The following KIF26B variants were observed in gnomAD, a reference collection of about 807,000 sequenced individuals.
KIF26B encodes the protein kinesin-like protein KIF26B.
In KIF26B, 63 loss-of-function variants were observed where a neutral mutation model predicts 151.2. That is an observed-to-expected ratio of 0.42 (90% confidence interval 0.34 to 0.51). KIF26B has a LOEUF of 0.51. Ranked by LOEUF, KIF26B falls within the 20% of genes least tolerant of loss-of-function variation. The pLI is 0.07. For synonymous variants in KIF26B, 1,357 were observed against 1,262.1 expected (o/e 1.08, Z -1.59); for missense variants, 2,813 against 2,913.6 (o/e 0.97, Z 0.79).
At chr1:245,252,783 G>C (rs1670467602) in intron 2 of KIF26B, among the ~76,000 whole-genome samples, 1 of 152,044 alleles carries the variant, frequency 6.6e-6, no homozygotes, top group South Asian at 2.1e-4. Flanking sequence ...ATGTTGAATA[G>C]AAGTAATGAT....
chr1:245,308,994 G>A (rs1176241359), intron 2 of KIF26B, among the ~76,000 whole-genome samples: 1 of 152,200 alleles, frequency 6.6e-6, no homozygotes, highest in African/African-American at 2.4e-5. Context: ...CAAACCAGTT[G>A]GCCAAGGAAG....
At chr1:245,377,159 C>G (rs560763624) in intron 3 of KIF26B, among the ~76,000 whole-genome samples, 89 of 152,344 alleles carry the variant, frequency 5.8e-4, no homozygotes, top group African/African-American at 2.1e-3. Flanking sequence ...AGGTGACCCA[C>G]CCGCCTCAGC....
At chr1:245,327,400 T>G (rs931413816) in intron 2 of KIF26B, among the ~76,000 whole-genome samples, 2 of 152,190 alleles carry the variant, frequency 1.3e-5, no homozygotes, top group African/African-American at 2.4e-5. Context: ...TTCCATCTGG[T>G]TTTTGCATAG....
intron 9 of KIF26B, among the ~76,000 whole-genome samples, chr1:245,623,672 A>G (rs2043689285): frequency 6.6e-6 from 1 of 152,184 alleles, no homozygotes. Context: ...CACAGGAAAA[A>G]CTTTTTGTGT....
At chr1:245,522,105 A>G (rs55966422) in intron 4 of KIF26B, among the ~76,000 whole-genome samples, 3,553 of 151,970 alleles carry the variant, frequency 0.023, 55 homozygotes, top group Non-Finnish European at 0.033. Flanking sequence ...TCCTGACCTC[A>G]TGATCTGCCC....
chr1:245,687,883 C>A lies in KIF26B; in HGVS notation c.4900C>A (p.Pro1634Thr), dbSNP rs745891231. 2 of 1,592,214 alleles carry A rather than the reference C, an allele frequency of 1.3e-6. No homozygotes were observed. Among genetic ancestry groups the A allele is most frequent in the Admixed American group, 3.5e-5 (2 of 57,498 alleles). The change falls in exon 12 of 15, where the codon CCG becomes ACG. Residue 1634 changes from proline (P) to threonine (T), a missense_variant. Coordinates refer to ENST00000407071, the MANE Select transcript of KIF26B (RefSeq NM_018012.4). The surrounding 1 kb of genome is among the most constrained non-coding windows in gnomAD (Gnocchi z 4.9). ...SSPLNQPAAFPAGLPDEPSGK... is the reference protein window; with the variant it reads ...SSPLNQPAAFTAGLPDEPSGK... ...CCCCCTGAACCAACCAGCCGCCTTC[C>A]CGGCGGGCCTCCCAGACGAGCCTAG... is the stretch of plus-strand genomic sequence containing the variant.
chr1:245,287,116 A>C (rs986774705), intron 2 of KIF26B, among the ~76,000 whole-genome samples: 9 of 152,314 alleles, frequency 5.9e-5, no homozygotes, highest in East Asian at 1.9e-4. Context: ...CTCAAAAAAA[A>C]CAAAATTTTT....
At position 245,563,453 on chromosome 1, in the gene KIF26B, C is replaced by T. The variant is rs2042975271; in HGVS notation, c.1350+22503C>T. Among the ~76,000 whole-genome samples the T allele has an allele frequency of 6.6e-6, 1 of 152,200 alleles. No individual in the cohort carries two copies. Among genetic ancestry groups the T allele is most frequent in the South Asian group, 2.1e-4 (1 of 4,826 alleles). Reference sequence around the variant, plus strand: ...TCCCGAATCATTAAGAACTCCTGCCCATTGGATGATGTTGCTGTATCTCCA... The same window carrying T: ...TCCCGAATCATTAAGAACTCCTGCCTATTGGATGATGTTGCTGTATCTCCA... On this transcript the variant is annotated intron_variant, in intron 5 of 14. Coordinates refer to ENST00000407071, the MANE Select transcript of KIF26B (RefSeq NM_018012.4). This position sits in a 1 kb window ranked among gnomAD's most constrained non-coding sequence, Gnocchi z 4.6.
chr1:245,195,389 C>T (rs1165717635), intron 2 of KIF26B, among the ~76,000 whole-genome samples: 10 of 152,164 alleles, frequency 6.6e-5, no homozygotes, highest in African/African-American at 1.4e-4. Context: ...AAATAGGAGG[C>T]GTGTCGTGAT....
intron 10 of KIF26B, among the ~76,000 whole-genome samples, chr1:245,661,489 G>A (rs1558256643): frequency 6.6e-6 from 1 of 151,270 alleles, no homozygotes; most frequent in Non-Finnish European, 1.5e-5. Context: ...ACATATATAT[G>A]TACACCCATT....
intron 4 of KIF26B, among the ~76,000 whole-genome samples, chr1:245,539,862 A>G (rs1053885914): frequency 4.6e-5 from 7 of 152,174 alleles, no homozygotes; most frequent in African/African-American, 1.7e-4. Context: ...CATGTTGGCC[A>G]GGCTGGTCTC....
intron 2 of KIF26B, among the ~76,000 whole-genome samples, chr1:245,208,677 C>T (rs1239774145): frequency 6.6e-6 from 1 of 152,144 alleles, no homozygotes; most frequent in African/African-American, 2.4e-5. Context: ...CCAACATCTC[C>T]AGGTGGAGCT....
intron 2 of KIF26B, among the ~76,000 whole-genome samples, chr1:245,292,182 C>T (rs544932295): frequency 1.9e-4 from 29 of 152,330 alleles, no homozygotes; most frequent in African/African-American, 6.3e-4. Context: ...ACATCGAATT[C>T]GCACTAAAGT....
chr1:245,649,683 C>A (rs1478601203), intron 10 of KIF26B, among the ~76,000 whole-genome samples: 2 of 147,934 alleles, frequency 1.4e-5, no homozygotes, highest in Admixed American at 1.3e-4. Flanking sequence ...CCTTCCCCCA[C>A]CCCCCCCAAA....
chr1:245,424,298 A>G (rs1342390823), intron 4 of KIF26B, among the ~76,000 whole-genome samples: 2 of 152,148 alleles, frequency 1.3e-5, no homozygotes, highest in Non-Finnish European at 1.5e-5. Context: ...ACAGGTGTGC[A>G]CCACCACATC....
chr1:245,240,960 C>T (rs553779107), intron 2 of KIF26B, among the ~76,000 whole-genome samples: 6 of 152,310 alleles, frequency 3.9e-5, no homozygotes, highest in Admixed American at 1.3e-4. Context: ...TGGCCCGGCC[C>T]AAGGTCCCTG....
At chr1:245,160,804 G>A (rs1313421316) in intron 2 of KIF26B, among the ~76,000 whole-genome samples, 3 of 152,252 alleles carry the variant, frequency 2.0e-5, no homozygotes, top group East Asian at 3.9e-4. Flanking sequence ...AAAGGAATGC[G>A]TCATAGGGGT....
chr1:245,387,147 TTTTTTTGTTTTTTGTTTTTTG>T (rs548017418), intron 3 of KIF26B, among the ~76,000 whole-genome samples: 1 of 143,580 alleles, frequency 7.0e-6, no homozygotes, highest in African/African-American at 2.6e-5. Flanking sequence ...GACCTAGGTT[TTTTTTTGTTTTTTGTTTTTTG>T]TTTTTTGTTT....
At chr1:245,393,987 C>G (rs1346663101) in intron 3 of KIF26B, among the ~76,000 whole-genome samples, 1 of 152,214 alleles carries the variant, frequency 6.6e-6, no homozygotes, top group Non-Finnish European at 1.5e-5. Flanking sequence ...AATCAGTCCC[C>G]TTGGACTTAG....
Sources: gnomAD v4.1 joint callset for allele counts (sites outside exome capture counted in the v4.1 genomes callset) on GRCh38, gnomAD v4.1.1 for gene constraint, Gnocchi (gnomAD v3.1) non-coding constraint, MANE v1.5 for transcripts, NCBI Gene and HGNC (gene_info 2026-07-23, HGNC 2026-07-21) for gene names.